The following COL5A3 variants were observed in gnomAD, a reference collection of about 807,000 sequenced individuals.
The protein encoded by COL5A3 is collagen type V alpha 3 chain.
A neutral mutation model predicts 250.0 loss-of-function variants in COL5A3; 172 were observed. That is an observed-to-expected ratio of 0.69 (90% confidence interval 0.61 to 0.78). The LOEUF (loss-of-function observed/expected upper bound fraction) is 0.78. Ranked by LOEUF, COL5A3 falls within the 30% of genes least tolerant of loss-of-function variation. The pLI, the probability that COL5A3 is intolerant of heterozygous loss-of-function variation, is 0.00. For synonymous variants in COL5A3, 937 were observed against 900.4 expected, an observed-to-expected ratio of 1.04 and a Z score of -0.73; for missense variants, 2,340 against 2,334.4, an observed-to-expected ratio of 1.00 and a Z score of -0.05.
intron 11 of COL5A3, chr19:9,997,039 C>A: frequency 1.9e-6 from 1 of 525,350 alleles, no homozygotes. Context: ...GAGAGGCGAA[C>A]ATAGAGAGAT....
Position 10,010,380 on chromosome 19 carries a change from C to A in COL5A3, c.6G>T (p.Gly2=), listed in dbSNP as rs1404534513. The part of the protein sequence containing the change: M[G]NRRDLGQPRA... ...GCGGCTGGCCCAGGTCCCGGCGGTT[C>A]CCCATCCCGGCGGGGCCCACGGGCA... Residue 2 remains glycine, a synonymous_variant, in exon 1 of 67, where the codon GGG becomes GGT. Transcript: ENST00000264828. 1.9e-5 allele frequency: 27 copies of A among 1,444,542 alleles called. No homozygotes were observed. Among genetic ancestry groups the A allele is most frequent in the Admixed American group, 2.7e-5 (1 of 37,316 alleles). The allele number at this position is 1,444,542 out of a possible 1,614,324, so 89.5% of individuals were successfully genotyped here.
intron 6 of COL5A3, among the ~76,000 whole-genome samples, chr19:10,002,400 G>T (rs1258402980): frequency 6.6e-6 from 1 of 151,916 alleles, no homozygotes; most frequent in Non-Finnish European, 1.5e-5. Context: ...CTGGAACTGA[G>T]ATGTAGTGCA....
intron 44 of COL5A3, 140 bp from the exon 45 acceptor site, chr19:9,976,751 A>T (rs1210623638): frequency 9.0e-6 from 6 of 669,680 alleles, no homozygotes; most frequent in Non-Finnish European, 1.5e-5. Flanking sequence ...CATCCCCCCA[A>T]ATCCTGTCTT....
intron 31 of COL5A3, among the ~76,000 whole-genome samples, chr19:9,984,821 C>T (rs534348762): frequency 3.3e-5 from 5 of 152,108 alleles, no homozygotes; most frequent in African/African-American, 1.2e-4. Flanking sequence ...GACAGAGTCC[C>T]CCTCTGTCAC....
At position 9,960,064 on chromosome 19, in the gene COL5A3, A is replaced by T; in HGVS notation, c.*347T>A. Reference sequence around the variant, plus strand: ...GGCAGCGACGGAGGAGTGAGGAGGCAGGCATTGGGGGTGGGGGGGCTTTTG... The same window carrying T: ...GGCAGCGACGGAGGAGTGAGGAGGCTGGCATTGGGGGTGGGGGGGCTTTTG... On this transcript the variant is annotated 3_prime_UTR_variant, in exon 67 of 67. Coordinates refer to ENST00000264828, the MANE Select transcript of COL5A3 (RefSeq NM_015719.4). 1 of 248,730 alleles carries T rather than the reference A, an allele frequency of 4.0e-6. No individual in the cohort carries two copies. The highest frequency in any genetic ancestry group is 7.4e-6 in the Non-Finnish European group (1 of 135,664). 15.4% of individuals were successfully genotyped at this position (248,730 alleles called of 1,614,324 possible).
chr19:9,999,136 T>TTTCCTTCCCTCC (rs2087316597), intron 8 of COL5A3, among the ~76,000 whole-genome samples: 1 of 126,674 alleles, frequency 7.9e-6, no homozygotes. Flanking sequence ...CTCTCTCTTT[T>TTTCCTTCCCTCC]TTCCTTCCTT....
At chr19:9,994,342 C>T (rs73504930) in intron 16 of COL5A3, among the ~76,000 whole-genome samples, 3,108 of 151,194 alleles carry the variant, frequency 0.021, 106 homozygotes, top group African/African-American at 0.073. Context: ...CCACACCTGG[C>T]TAATTTTTTA....
chr19:9,964,066 G>A (rs2086706932), intron 64 of COL5A3, among the ~76,000 whole-genome samples: 2 of 152,076 alleles, frequency 1.3e-5, no homozygotes, highest in African/African-American at 2.4e-5. Flanking sequence ...TCAGCTACTC[G>A]GGAGGCTAAG....
At chr19:9,976,480 G>C in intron 45 of COL5A3, 78 bp downstream of exon 45, 1 of 1,103,434 alleles carries the variant, frequency 9.1e-7, no homozygotes, top group Non-Finnish European at 1.3e-6. Flanking sequence ...TTAAGTCAGT[G>C]TGCTTCCACT....
Position 9,981,182 on chromosome 19 carries a change from G to A in COL5A3, c.2461-50C>T, listed in dbSNP as rs770078446. ...AGCAGAAGAGAGTTAGGGTGCAAAG[G>A]TATGACGCAAACACAAAAAGACACC... On this transcript the variant is annotated intron_variant, in intron 32 of 66. Coordinates refer to ENST00000264828, the MANE Select transcript of COL5A3 (RefSeq NM_015719.4). 1.3e-5 allele frequency: 21 copies of A among 1,567,458 alleles called. No homozygotes were observed. In the South Asian group the frequency reaches 2.1e-4, roughly 16 times the overall value.
Position 9,980,852 on chromosome 19 carries a change from C to A in COL5A3, c.2513G>T (p.Arg838Leu), listed in dbSNP as rs768885357. Residue 838 changes from arginine to leucine, a missense_variant, in exon 34 of 67, where the codon CGT becomes CTT. Around this residue, in one of 3 missense-constraint regions of COL5A3, gnomAD observed 1,152 missense variants for 1,146.3 expected, o/e 1.00. Transcript: ENST00000264828. ...GGCACCCGGTTGCCCCCTCTCTCCACGGGAACCCTGAACAAAAAAAAAAGG... is the reference window on the plus strand; with the variant it reads ...GGCACCCGGTTGCCCCCTCTCTCCAAGGGAACCCTGAACAAAAAAAAAAGG... The part of the protein sequence containing the change: ...LEGERGPPGS[R>L]GERGQPGATG... The A allele has an allele frequency of 6.2e-7, 1 of 1,609,238 alleles. No individual in the cohort carries two copies. Among genetic ancestry groups the A allele is most frequent in the South Asian group, 1.1e-5 (1 of 90,440 alleles).
At position 9,960,634 on chromosome 19, in the gene COL5A3, C is replaced by A; in HGVS notation, c.5091+17G>T. 6 of 1,613,724 alleles carry A rather than the reference C, an allele frequency of 3.7e-6. No homozygotes were observed. Among genetic ancestry groups the A allele is most frequent in the Non-Finnish European group, 5.1e-6 (6 of 1,179,812 alleles). ...CTTGCCTCCCCTCTCTAGCTGGCCA[C>A]TGCCCCACCCTCTTACCCGGCAGCC... On this transcript the variant is annotated intron_variant, in intron 66 of 66. Coordinates refer to ENST00000264828, the MANE Select transcript of COL5A3 (RefSeq NM_015719.4).
At chr19:10,010,069 TTCCCACGCGC>T (rs2087506410) in intron 1 of COL5A3, among the ~76,000 whole-genome samples, 1 of 151,920 alleles carries the variant, frequency 6.6e-6, no homozygotes, top group Non-Finnish European at 1.5e-5. Context: ...ATTGCATGCA[TTCCCACGCGC>T]TCGCCAGAAA....
Position 9,966,613 on chromosome 19 carries a change from C to G in COL5A3, c.4592G>C (p.Arg1531Pro), listed in dbSNP as rs768803819. The change falls in exon 63 of 67, where the codon CGG (arginine) becomes CCG (proline). Residue 1531 changes from arginine (R) to proline (P), a missense_variant. Coordinates refer to ENST00000264828, the MANE Select transcript of COL5A3 (RefSeq NM_015719.4). ...GCGCTCCGCAGTGCCGGGAGGACGC[C>G]GCAGCTGCTCCAGCTCCAAGCTCAG... is the stretch of plus-strand genomic sequence containing the variant. ...TSLSLELEQLRRPPGTAERPG... is the reference protein window; with the variant it reads ...TSLSLELEQLPRPPGTAERPG... 1.9e-6 allele frequency: 3 copies of G among 1,539,392 alleles called. No homozygotes were observed. The highest frequency in any genetic ancestry group is 1.7e-6 in the Non-Finnish European group (2 of 1,146,966).
At chr19:9,984,090 C>T (rs1203954707) in intron 31 of COL5A3, among the ~76,000 whole-genome samples, 1 of 151,914 alleles carries the variant, frequency 6.6e-6, no homozygotes, top group Non-Finnish European at 1.5e-5. Context: ...GTGGCACGAT[C>T]TCAGCTCACT....
At chr19:10,004,356 C>G (rs1426534426) in intron 4 of COL5A3, among the ~76,000 whole-genome samples, 2 of 152,182 alleles carry the variant, frequency 1.3e-5, no homozygotes, top group Non-Finnish European at 2.9e-5. Context: ...AAGATCCTAT[C>G]AGGGGCACAC....
chr19:10,003,594 T>C lies in COL5A3; in HGVS notation c.820A>G (p.Ser274Gly), dbSNP rs1443822079. The change falls in exon 6 of 67, where the codon AGT becomes GGT. Residue 274 changes from serine to glycine, a missense_variant. Physicochemically the swap from Ser to Gly is moderately conservative, Grantham distance 56 (BLOSUM62 0). Transcript: ENST00000264828. ...TTCTCTGCGGAGTCAGGAGGTGGAC[T>C]TGAGGTCCAAATTTCCTTGTTCTTT... ...RKKNKEIWTSSPPPDSAENQT... is the reference protein window; with the variant it reads ...RKKNKEIWTSGPPPDSAENQT... 4 of 1,614,166 alleles carry C rather than the reference T, an allele frequency of 2.5e-6. No individual in the cohort carries two copies. In the Admixed American group the frequency reaches 6.7e-5, roughly 27 times the overall value.
intron 47 of COL5A3, 52 bp from the exon 48 acceptor site, chr19:9,974,024 A>G (rs1412414373): frequency 6.6e-7 from 1 of 1,522,810 alleles, no homozygotes; most frequent in East Asian, 2.3e-5. Flanking sequence ...TCTCCCCAAA[A>G]GGCCACATTG....
rs569536796 is a variant in COL5A3 at position 9,979,136 on chromosome 19, G to A, written c.2870C>T (p.Ala957Val). Reference sequence around the variant, plus strand: ...CTCCAGTGGACAGTGTCTCACCTTGGCCCCCTCTCTGCCTTCCAGGCCAGG... The same window carrying A: ...CTCCAGTGGACAGTGTCTCACCTTGACCCCCTCTCTGCCTTCCAGGCCAGG... ...GLPGLEGREG[A>V]KGELGPPGPL... The change falls in exon 39 of 67, where the codon GCC becomes GTC. Residue 957 changes from alanine (A) to valine (V), a missense_variant. Ala to Val is a moderately conservative substitution (Grantham distance 64, BLOSUM62 0). This residue lies in a region of COL5A3 where 1,179 missense variants were observed against 1,162.6 expected (regional missense o/e 1.01). Transcript: ENST00000264828. The A allele has an allele frequency of 8.0e-5, 126 of 1,580,004 alleles. No homozygotes were observed. The East Asian group carries it at 2.7e-3, about 33-fold the overall frequency.
Sources: allele counts gnomAD v4.1 joint callset (sites outside exome capture counted in the v4.1 genomes callset), GRCh38; gene constraint gnomAD v4.1.1; regional missense constraint gnomAD v4.1.1; transcripts MANE v1.5; gene names NCBI Gene and HGNC (gene_info 2026-07-23, HGNC 2026-07-21).